Variants in SPOCK1 observed in about 807,000 individuals in gnomAD.
The protein encoded by SPOCK1 is testican-1.
SPOCK1 carries 23 observed loss-of-function variants against 55.3 expected under a neutral mutation model. That is an observed-to-expected ratio of 0.42 (90% CI 0.30 to 0.59). The LOEUF is 0.59. Among genes scored for constraint, SPOCK1 ranks in the 20% least tolerant of loss-of-function variants. The pLI, the probability that SPOCK1 is intolerant of heterozygous loss-of-function variation, is 0.22. For missense variants in SPOCK1, 499 were observed against 552.5 expected (o/e 0.90, Z 0.97); for synonymous variants, 226 against 221.0 (o/e 1.02, Z -0.20).
chr5:137,470,882 T>C (rs2149839558), intron 2 of SPOCK1, among the ~76,000 whole-genome samples: 1 of 152,318 alleles, frequency 6.6e-6, no homozygotes, highest in African/African-American at 2.4e-5. Context: ...CAGGTCTGAA[T>C]CATGGCTCTC....
rs553740697 is a variant in SPOCK1 at position 137,480,840 on chromosome 5, T to C, written c.186+17533A>G. 3.9e-5 allele frequency among the ~76,000 whole-genome samples: 6 copies of C among 152,240 alleles called. No homozygotes were observed. The East Asian group carries it at 7.7e-4, about 20-fold the overall frequency. On this transcript the variant is annotated intron_variant, in intron 2 of 10. Transcript: ENST00000394945. ...GCTAAGGAGAAGAGTTTTATGCTGCTGTCATAAGAGAGACTCCTGAGCATA... is the reference window on the plus strand; with the variant it reads ...GCTAAGGAGAAGAGTTTTATGCTGCCGTCATAAGAGAGACTCCTGAGCATA...
chr5:137,057,682 T>G (rs887531193), intron 6 of SPOCK1, among the ~76,000 whole-genome samples: 1 of 152,226 alleles, frequency 6.6e-6, no homozygotes, highest in Non-Finnish European at 1.5e-5. Flanking sequence ...TAGCTCCCAA[T>G]ACACCACTTG....
chr5:137,400,760 C>A (rs917383730), intron 2 of SPOCK1, among the ~76,000 whole-genome samples: 1 of 152,112 alleles, frequency 6.6e-6, no homozygotes, highest in South Asian at 2.1e-4. Flanking sequence ...CTTCTCCCAG[C>A]CAAGGAGCTC....
At position 137,067,712 on chromosome 5, in the gene SPOCK1, C is replaced by T. The variant is rs1752536391; in HGVS notation, c.589+3G>A. On this transcript the variant is annotated splice_donor_region_variant and intron_variant, in intron 6 of 10. Transcript: ENST00000394945. ...GAATTCTCTGAAGGAAACCCTCACTCACCACTCCTTTCTGCCTTGTGCTTT... is the reference window on the plus strand; with the variant it reads ...GAATTCTCTGAAGGAAACCCTCACTTACCACTCCTTTCTGCCTTGTGCTTT... 6.2e-7 allele frequency: 1 copy of T among 1,613,532 alleles called. No homozygotes were observed. Among genetic ancestry groups the T allele is most frequent in the East Asian group, 2.2e-5 (1 of 44,896 alleles).
chr5:137,320,590 C>T (rs184707591), intron 2 of SPOCK1, among the ~76,000 whole-genome samples: 1 of 152,268 alleles, frequency 6.6e-6, no homozygotes, highest in African/African-American at 2.4e-5. Context: ...CCAGAAAAAG[C>T]GCCAGAAAAC....
At chr5:137,432,421 C>A (rs1752767627) in intron 2 of SPOCK1, among the ~76,000 whole-genome samples, 1 of 1,402 alleles carries the variant, frequency 7.1e-4, no homozygotes, top group Non-Finnish European at 2.8e-3. Flanking sequence ...TATTATTCAG[C>A]CATAAAAAAA....
intron 6 of SPOCK1, among the ~76,000 whole-genome samples, chr5:137,009,256 T>A (rs1751307316): frequency 6.6e-6 from 1 of 152,174 alleles, no homozygotes; most frequent in African/African-American, 2.4e-5. Context: ...TATAAATACA[T>A]TTGAAGTAGC....
At chr5:137,299,411 TGAG>T (rs1280974670) in intron 2 of SPOCK1, among the ~76,000 whole-genome samples, 2 of 151,970 alleles carry the variant, frequency 1.3e-5, no homozygotes, top group Non-Finnish European at 1.5e-5. Flanking sequence ...TTAAATAAAC[TGAG>T]AAGAAAAATA....
chr5:137,192,315 G>A (rs1039278319), intron 3 of SPOCK1, among the ~76,000 whole-genome samples: 7 of 151,860 alleles, frequency 4.6e-5, no homozygotes, highest in Admixed American at 1.3e-4. Flanking sequence ...ATGGAGAGAC[G>A]GAGGGAGGAA....
rs1204431510 is a variant in SPOCK1 at position 137,302,335 on chromosome 5, C to T, written c.187-35280G>A. ...CTGTAATCCCAGCACTTTGGGAGGC[C>T]AAGGCGGGCAGATCACAAGGTCAGG... On this transcript the variant is annotated intron_variant, in intron 2 of 10. Transcript: ENST00000394945. 2.7e-5 allele frequency among the ~76,000 whole-genome samples: 4 copies of T among 150,914 alleles called. No individual in the cohort carries two copies. The East Asian group carries it at 5.9e-4, about 22-fold the overall frequency.
chr5:137,442,879 T>A (rs1013433387), intron 2 of SPOCK1, among the ~76,000 whole-genome samples: 4 of 152,242 alleles, frequency 2.6e-5, no homozygotes, highest in Non-Finnish European at 5.9e-5. Context: ...TTAAACAGCC[T>A]TCTTGTCCAG....
At chr5:137,476,787 T>C (rs566103265) in intron 2 of SPOCK1, among the ~76,000 whole-genome samples, 7 of 152,272 alleles carry the variant, frequency 4.6e-5, no homozygotes, top group African/African-American at 1.4e-4. Flanking sequence ...CAGCCAGGCA[T>C]GGAGGCAGGT....
At chr5:137,159,998 G>C (rs1754494456) in intron 3 of SPOCK1, among the ~76,000 whole-genome samples, 1 of 152,080 alleles carries the variant, frequency 6.6e-6, no homozygotes, top group Non-Finnish European at 1.5e-5. Flanking sequence ...TTGAGGGACT[G>C]GTGGTGTATG....
intron 9 of SPOCK1, among the ~76,000 whole-genome samples, chr5:136,980,414 G>A (rs1222808349): frequency 3.3e-5 from 5 of 152,196 alleles, no homozygotes; most frequent in African/African-American, 1.2e-4. Flanking sequence ...TGGTTTGGCT[G>A]TGTCCCCACC....
At chr5:137,363,829 G>C (rs1751000423) in intron 2 of SPOCK1, among the ~76,000 whole-genome samples, 1 of 152,236 alleles carries the variant, frequency 6.6e-6, no homozygotes, top group African/African-American at 2.4e-5. Context: ...GCAAGGTGCA[G>C]GTGTCCTGCA....
At chr5:137,234,409 C>T (rs756570008) in intron 3 of SPOCK1, among the ~76,000 whole-genome samples, 1 of 152,156 alleles carries the variant, frequency 6.6e-6, no homozygotes, top group East Asian at 1.9e-4. Context: ...TGCTGCATCG[C>T]CTTTCCAGCA....
intron 2 of SPOCK1, among the ~76,000 whole-genome samples, chr5:137,370,542 G>A (rs2127170528): frequency 6.6e-6 from 1 of 152,298 alleles, no homozygotes; most frequent in East Asian, 1.9e-4. Context: ...AAAGGCAGCT[G>A]CTCCAATGAG....
At chr5:137,413,212 T>C (rs1046640461) in intron 2 of SPOCK1, among the ~76,000 whole-genome samples, 1 of 152,238 alleles carries the variant, frequency 6.6e-6, no homozygotes, top group Admixed American at 6.5e-5. Flanking sequence ...TTGCTTCTCA[T>C]TGACTCTTCG....
chr5:137,215,478 A>C (rs1442465125), intron 3 of SPOCK1, among the ~76,000 whole-genome samples: 1 of 152,240 alleles, frequency 6.6e-6, no homozygotes, highest in East Asian at 1.9e-4. Flanking sequence ...TTCAATGAGA[A>C]TTAGAACAGT....
Sources: gnomAD v4.1 joint callset for allele counts (sites outside exome capture counted in the v4.1 genomes callset) on GRCh38, gnomAD v4.1.1 for gene constraint, MANE v1.5 for transcripts, NCBI Gene and HGNC (gene_info 2026-07-23, HGNC 2026-07-21) for gene names.